The following CCDC66 variants were observed in gnomAD, a reference collection of about 807,000 sequenced individuals.
The protein encoded by CCDC66 is coiled-coil domain containing 66, also known as coiled-coil domain-containing protein 66.
In CCDC66, 133 loss-of-function variants were observed where a neutral mutation model predicts 128.3. The observed-to-expected ratio is 1.04, with a 90% CI of 0.90 to 1.20. CCDC66 has a LOEUF of 1.20. Ranked by LOEUF, CCDC66 falls within the 50% of genes most tolerant of loss-of-function variation. The pLI, the probability that CCDC66 is intolerant of heterozygous loss-of-function variation, is 0.00. For missense variants in CCDC66, 1,126 were observed against 1,075.5 expected, an observed-to-expected ratio of 1.05 and a Z score of -0.66; for synonymous variants, 387 against 357.0, an observed-to-expected ratio of 1.08 and a Z score of -0.95.
intron 10 of CCDC66, among the ~76,000 whole-genome samples, chr3:56,608,959 G>A (rs1184469925): frequency 1.3e-5 from 2 of 152,098 alleles, no homozygotes; most frequent in African/African-American, 2.4e-5. Flanking sequence ...TTCCACTGTG[G>A]TCTGAGAGAG....
chr3:56,560,398 G>GA (rs2064943377), intron 3 of CCDC66, among the ~76,000 whole-genome samples: 2 of 152,188 alleles, frequency 1.3e-5, no homozygotes, highest in African/African-American at 4.8e-5. Flanking sequence ...GTAGAGATGG[G>GA]ATCTCACTAT....
chr3:56,578,722 G>C (rs1423745616), intron 7 of CCDC66, among the ~76,000 whole-genome samples: 3 of 151,784 alleles, frequency 2.0e-5, no homozygotes, highest in African/African-American at 4.8e-5. Flanking sequence ...TTATTGATTT[G>C]CGTATGATGA....
intron 6 of CCDC66, among the ~76,000 whole-genome samples, chr3:56,568,893 T>A (rs1164698517): frequency 6.6e-6 from 1 of 152,344 alleles, no homozygotes; most frequent in East Asian, 1.9e-4. Context: ...AAACTTGGAG[T>A]CTGCGTATCA....
chr3:56,610,996 G>A (rs2074719887), intron 10 of CCDC66, among the ~76,000 whole-genome samples: 2 of 152,164 alleles, frequency 1.3e-5, no homozygotes, highest in South Asian at 4.1e-4. Context: ...GACTCCGTGG[G>A]ACTCCTTAGC....
chr3:56,621,436 G>T, intron 17 of CCDC66, 96 bp from the exon 18 acceptor site: 1 of 836,478 alleles, frequency 1.2e-6, no homozygotes, highest in South Asian at 2.4e-5. Flanking sequence ...TATCCTAAGC[G>T]ATATGTTTTC....
At chr3:56,617,660 T>C (rs761663088) in intron 14 of CCDC66, 55 bp downstream of exon 14, 521 of 1,537,824 alleles carry the variant, frequency 3.4e-4, no homozygotes, top group Non-Finnish European at 4.0e-4. Flanking sequence ...CAAAACACAG[T>C]TTCTCATACG....
chr3:56,581,093 CTTTG>C (rs951845305), intron 7 of CCDC66, among the ~76,000 whole-genome samples: 16 of 150,904 alleles, frequency 1.1e-4, no homozygotes, highest in African/African-American at 2.2e-4. Context: ...TTCTTGGAGG[CTTTG>C]TTTGTTTCTT....
chr3:56,563,852 T>A lies in CCDC66; in HGVS notation c.271T>A (p.Ser91Thr). The change falls in exon 4 of 18, where the codon TCC becomes ACC. Residue 91 changes from serine (S) to threonine (T), a missense_variant. Coordinates refer to ENST00000394672, the MANE Select transcript of CCDC66 (RefSeq NM_001141947.3). ...KGEKNGMTFS[S>T]TKDLCKQCID... is the part of the protein sequence containing the mutation. ...TGAAAAAAATGGAATGACTTTTTCA[T>A]CCACTAAGGATTTATGTAAACAATG... 6.3e-7 allele frequency: 1 copy of A among 1,585,984 alleles called. No homozygotes were observed. Among genetic ancestry groups the A allele is most frequent in the Non-Finnish European group, 8.6e-7 (1 of 1,164,578 alleles).
rs893435408 is a variant in CCDC66 at position 56,586,536 on chromosome 3, A to G, written c.937-6434A>G. Among the ~76,000 whole-genome samples the G allele has an allele frequency of 2.0e-5, 3 of 151,088 alleles. No individual in the cohort carries two copies. The South Asian group carries it at 6.2e-4, about 31-fold the overall frequency. ...CAGAGCAAGACTCTTTCTCAAAAAAAAAAAAAGAAAAAAAGAAAACTAAAG... is the reference window on the plus strand; with the variant it reads ...CAGAGCAAGACTCTTTCTCAAAAAAGAAAAAAGAAAAAAAGAAAACTAAAG... On this transcript the variant is annotated intron_variant, in intron 7 of 17. Coordinates refer to ENST00000394672, the MANE Select transcript of CCDC66 (RefSeq NM_001141947.3).
At position 56,615,209 on chromosome 3, in the gene CCDC66, C is replaced by G; in HGVS notation, c.1648C>G (p.Gln550Glu). Residue 550 changes from glutamine to glutamate, a missense_variant, in exon 12 of 18, where the codon CAA (glutamine) becomes GAA (glutamate). By Grantham distance (29) the Gln-to-Glu change is conservative (BLOSUM62 2). Transcript: ENST00000394672. ...QELAQRLKQE[Q>E]RIRELAQKGH... is the part of the protein sequence containing the mutation. ...ACTGGCACAGAGACTAAAACAAGAA[C>G]AAAGAATCCGAGAATTGGCGCAAAA... 1.2e-6 allele frequency: 2 copies of G among 1,613,924 alleles called. No individual in the cohort carries two copies. The highest frequency in any genetic ancestry group is 4.5e-5 in the East Asian group (2 of 44,866).
chr3:56,597,921 T>C (rs996610171), intron 10 of CCDC66, among the ~76,000 whole-genome samples: 2 of 151,486 alleles, frequency 1.3e-5, no homozygotes, highest in South Asian at 2.1e-4. Context: ...ACTACAGGCA[T>C]GTGCCACCGC....
intron 7 of CCDC66, among the ~76,000 whole-genome samples, chr3:56,592,095 C>T (rs1290075370): frequency 6.6e-6 from 1 of 152,102 alleles, no homozygotes; most frequent in Non-Finnish European, 1.5e-5. Context: ...TTCAAAGACT[C>T]GTTCTGGACA....
At position 56,617,308 on chromosome 3, in the gene CCDC66, G is replaced by C. The variant is rs766825170; in HGVS notation, c.2040G>C (p.Gln680His). The change falls in exon 14 of 18, where the codon CAG (glutamine) becomes CAC (histidine). Residue 680 changes from glutamine (Q) to histidine (H), a missense_variant. Physicochemically the swap from Gln to His is conservative, Grantham distance 24. Coordinates refer to ENST00000394672, the MANE Select transcript of CCDC66 (RefSeq NM_001141947.3). ...AAGAAAACAATCGGTGTAATGACCA[G>C]TGTAATCAGTTCACAAGAATAGAGA... ...LEKENNRCND[Q>H]CNQFTRIEKQ... 5.6e-6 allele frequency: 9 copies of C among 1,613,322 alleles called. No individual in the cohort carries two copies. In the Admixed American group the frequency reaches 6.7e-5, roughly 12 times the overall value.
intron 10 of CCDC66, among the ~76,000 whole-genome samples, chr3:56,596,244 TCTAA>T (rs2071889400): frequency 6.6e-6 from 1 of 152,178 alleles, no homozygotes; most frequent in African/African-American, 2.4e-5. Context: ...TAATAGCCAT[TCTAA>T]CTGAGGCGAT....
At chr3:56,559,416 G>GA (rs1217380546) in intron 2 of CCDC66, among the ~76,000 whole-genome samples, 153 bp from the exon 3 acceptor site, 1 of 152,018 alleles carries the variant, frequency 6.6e-6, no homozygotes, top group Non-Finnish European at 1.5e-5. Context: ...AACTGGATTA[G>GA]AAAAAAATAC....
intron 3 of CCDC66, 149 bp downstream of exon 3, chr3:56,559,743 G>A: frequency 1.7e-6 from 1 of 593,502 alleles, no homozygotes; most frequent in Non-Finnish European, 2.8e-6. Context: ...CTTTCAGATT[G>A]GTCCTTTCAC....
intron 10 of CCDC66, among the ~76,000 whole-genome samples, chr3:56,610,031 T>C (rs1402421086): frequency 6.6e-6 from 1 of 152,224 alleles, no homozygotes; most frequent in East Asian, 1.9e-4. Context: ...TCACTTTGGA[T>C]AACCTGATGA....
intron 7 of CCDC66, among the ~76,000 whole-genome samples, chr3:56,580,064 A>G (rs1348725163): frequency 4.6e-5 from 7 of 151,810 alleles, no homozygotes; most frequent in Non-Finnish European, 1.0e-4. Flanking sequence ...GTAGGTCTCT[A>G]AGGACTTGCT....
Position 56,563,978 on chromosome 3 carries a change from C to G in CCDC66, c.397C>G (p.Gln133Glu), listed in dbSNP as rs769951066. 1 of 1,613,968 alleles carries G rather than the reference C, an allele frequency of 6.2e-7. No individual in the cohort carries two copies. Among genetic ancestry groups the G allele is most frequent in the Non-Finnish European group, 8.5e-7 (1 of 1,179,954 alleles). The change falls in exon 4 of 18, where the codon CAG (glutamine) becomes GAG (glutamate). Residue 133 changes from glutamine to glutamate, a missense_variant. Transcript: ENST00000394672. The stretch of plus-strand genomic sequence containing the variant: ...CGTAAATACATCTCTAGTAGGTAAA[C>G]AGAAGCCTCACAAAAAACACATCAC... ...NTVNTSLVGK[Q>E]KPHKKHITAE...
Sources: gnomAD v4.1 joint callset for allele counts (sites outside exome capture counted in the v4.1 genomes callset) on GRCh38, gnomAD v4.1.1 for gene constraint, MANE v1.5 for transcripts, NCBI Gene and HGNC (gene_info 2026-07-23, HGNC 2026-07-21) for gene names.